The following SHISAL1 variants were observed in gnomAD, a reference collection of about 807,000 sequenced individuals.
SHISAL1 encodes the protein shisa like 1, also known as protein shisa-like-1.
A neutral mutation model predicts 22.6 loss-of-function variants in SHISAL1; 9 were observed. The ratio of observed to expected loss-of-function variants is 0.40; its 90% CI spans 0.24 to 0.70. The LOEUF is 0.70. Ranked by LOEUF, SHISAL1 falls within the 30% of genes least tolerant of loss-of-function variation. The pLI, the probability that SHISAL1 is intolerant of heterozygous loss-of-function variation, is 0.39. For missense variants in SHISAL1, 246 were observed against 270.6 expected, an observed-to-expected ratio of 0.91 and a Z score of 0.64; for synonymous variants, 119 against 115.4, an observed-to-expected ratio of 1.03 and a Z score of -0.20.
intron 3 of SHISAL1, among the ~76,000 whole-genome samples, chr22:44,290,544 A>C (rs1238277067): frequency 6.6e-6 from 1 of 151,288 alleles, no homozygotes. Flanking sequence ...AAAAAAAAAA[A>C]CAAAAAACGG....
At chr22:44,293,069 C>A (rs143174910) in intron 3 of SHISAL1, among the ~76,000 whole-genome samples, 1 of 152,230 alleles carries the variant, frequency 6.6e-6, no homozygotes, top group Admixed American at 6.5e-5. Flanking sequence ...CTTTATTCCC[C>A]GCTTCCCCTT....
the SHISAL1 span, among the ~76,000 whole-genome samples, chr22:44,326,436 G>T: frequency 6.6e-6 from 1 of 152,140 alleles, no homozygotes; most frequent in Non-Finnish European, 1.5e-5. Flanking sequence ...TCTGAGGCTT[G>T]CCAGGGAGGA....
At chr22:44,301,809 A>T (rs1275559116) in intron 1 of SHISAL1, among the ~76,000 whole-genome samples, 2 of 152,130 alleles carry the variant, frequency 1.3e-5, no homozygotes, top group African/African-American at 2.4e-5. Context: ...ACAAAAGAAC[A>T]CAGACTGCAA....
intron 1 of SHISAL1, among the ~76,000 whole-genome samples, chr22:44,303,305 C>T (rs931722915): frequency 1.3e-5 from 2 of 152,050 alleles, no homozygotes; most frequent in African/African-American, 4.8e-5. Context: ...TCCCAGGACT[C>T]AGAAGGTTGA....
chr22:44,327,238 GCGCACACACACACACA>G, the SHISAL1 span, among the ~76,000 whole-genome samples: 1 of 101,160 alleles, frequency 9.9e-6, no homozygotes, highest in African/African-American at 4.0e-5. Flanking sequence ...AGTGGGGGGC[GCGCACACACACACACA>G]CACACACACA....
the SHISAL1 span, among the ~76,000 whole-genome samples, chr22:44,324,832 A>G: frequency 1.2e-4 from 18 of 152,330 alleles, no homozygotes; most frequent in East Asian, 1.4e-3. Flanking sequence ...TGCACGGCTC[A>G]TTCTCCAAAG....
At chr22:44,276,219 G>A (rs545272448) in intron 4 of SHISAL1, among the ~76,000 whole-genome samples, 4 of 152,264 alleles carry the variant, frequency 2.6e-5, no homozygotes, top group Admixed American at 2.6e-4. Context: ...ACTCTGAACA[G>A]GGGCTGTGGA....
chr22:44,313,028 C>T (rs999683493), upstream of SHISAL1, among the ~76,000 whole-genome samples: 3 of 152,204 alleles, frequency 2.0e-5, no homozygotes, highest in African/African-American at 7.2e-5. Context: ...GGCCTAGGGC[C>T]GCCACCTCCC....
At chr22:44,287,694 T>C (rs1021787236) in intron 3 of SHISAL1, among the ~76,000 whole-genome samples, 1 of 152,110 alleles carries the variant, frequency 6.6e-6, no homozygotes, top group Admixed American at 6.5e-5. Flanking sequence ...CCTGGAGGCA[T>C]CTGGATATGG....
intron 3 of SHISAL1, among the ~76,000 whole-genome samples, chr22:44,286,376 A>C (rs1244119805): frequency 6.6e-6 from 1 of 151,508 alleles, no homozygotes; most frequent in Non-Finnish European, 1.5e-5. Flanking sequence ...TTTGCCCAAC[A>C]TTTCCCCACC....
chr22:44,281,099 C>T (rs2055273404), intron 4 of SHISAL1, among the ~76,000 whole-genome samples: 1 of 152,204 alleles, frequency 6.6e-6, no homozygotes, highest in Middle Eastern at 3.4e-3. Flanking sequence ...CTGAGGTGGG[C>T]CCTGGCTGTA....
chr22:44,298,010 C>T lies in SHISAL1; in HGVS notation c.68-1125G>A, dbSNP rs139507238. 1.0e-3 allele frequency among the ~76,000 whole-genome samples: 156 copies of T among 152,250 alleles called. 2 individuals are homozygous for T. In the East Asian group the frequency reaches 0.025, roughly 25 times the overall value. ...TGGGCTGGGCTGGAAGATGGGCAGG[C>T]GGCCTTCATGTGCTGGGGTGCTGAG... On this transcript the variant is annotated intron_variant, in intron 2 of 4. Transcript: ENST00000381176.
At chr22:44,291,188 C>T (rs1254562855) in intron 3 of SHISAL1, among the ~76,000 whole-genome samples, 1 of 152,166 alleles carries the variant, frequency 6.6e-6, no homozygotes, top group Non-Finnish European at 1.5e-5. Flanking sequence ...GGCCATCCTA[C>T]CCGGGATAGG....
At chr22:44,329,327 C>T in the SHISAL1 span, among the ~76,000 whole-genome samples, 1 of 152,130 alleles carries the variant, frequency 6.6e-6, no homozygotes, top group African/African-American at 2.4e-5. Flanking sequence ...TTCTTTGTCA[C>T]TCACTGACTC....
chr22:44,316,620 T>G (rs1877703541), upstream of SHISAL1, among the ~76,000 whole-genome samples: 1 of 152,180 alleles, frequency 6.6e-6, no homozygotes, highest in East Asian at 1.9e-4. Context: ...CAGCCCCAGT[T>G]TGCAAACTTC....
intron 4 of SHISAL1, among the ~76,000 whole-genome samples, chr22:44,273,294 C>T (rs150354338): frequency 2.6e-5 from 4 of 152,102 alleles, no homozygotes; most frequent in Non-Finnish European, 5.9e-5. Flanking sequence ...ATTTCCCGAG[C>T]GTAAATACTG....
At chr22:44,280,190 G>A (rs1290690287) in intron 4 of SHISAL1, among the ~76,000 whole-genome samples, 3 of 152,196 alleles carry the variant, frequency 2.0e-5, no homozygotes, top group Non-Finnish European at 4.4e-5. Flanking sequence ...TCAAAAGCAA[G>A]GAGGTGTGAA....
the SHISAL1 span, among the ~76,000 whole-genome samples, chr22:44,318,516 C>T: frequency 6.6e-6 from 1 of 152,182 alleles, no homozygotes; most frequent in African/African-American, 2.4e-5. Flanking sequence ...GCAGGCTGGC[C>T]TGGGGGAGGG....
Position 44,285,597 on chromosome 22 carries a change from G to A in SHISAL1, c.430C>T (p.Gln144Ter). Residue 144 changes from glutamine (Q) to a stop codon, truncating the protein, a stop_gained, in exon 4 of 5, where the codon CAG becomes TAG. Transcript: ENST00000381176. LOFTEE classifies it high-confidence loss of function. ...RWGIQGRWMKQDPRRWGNPAR... is the reference protein window; with the variant it reads ...RWGIQGRWMK ...GGGTTCCCCCACCGCCGGGGGTCCT[G>A]TTTCATCCATCGTCCTTGGATGCCC... is the stretch of plus-strand genomic sequence containing the variant. 6.2e-7 allele frequency: 1 copy of A among 1,614,056 alleles called. No homozygotes were observed. The highest frequency in any genetic ancestry group is 8.5e-7 in the Non-Finnish European group (1 of 1,179,892).
Sources: gnomAD v4.1 joint callset for allele counts (sites outside exome capture counted in the v4.1 genomes callset) on GRCh38, gnomAD v4.1.1 for gene constraint, MANE v1.5 for transcripts, NCBI Gene and HGNC (gene_info 2026-07-23, HGNC 2026-07-21) for gene names.